Variants in STXBP5L observed in about 807,000 individuals in gnomAD.
STXBP5L encodes the protein syntaxin-binding protein 5-like.
A neutral mutation model predicts 144.5 loss-of-function variants in STXBP5L; 65 were observed. The observed-to-expected ratio is 0.45, with a 90% CI of 0.37 to 0.55. STXBP5L has a LOEUF of 0.55. Ranked by LOEUF, STXBP5L falls within the 20% of genes least tolerant of loss-of-function variation. The probability of loss-of-function intolerance (pLI) is 0.00; values close to 1 mark genes in which losing one functional copy is unlikely to be tolerated. For missense variants in STXBP5L, 1,298 were observed against 1,405.5 expected (o/e 0.92, Z 1.22); for synonymous variants, 505 against 469.6 (o/e 1.08, Z -0.97).
At chr3:121,206,061 C>A (rs1316218802) in intron 10 of STXBP5L, 60 bp downstream of exon 10, 4 of 970,326 alleles carry the variant, frequency 4.1e-6, no homozygotes, top group Non-Finnish European at 5.9e-6. Flanking sequence ...ATGCAGATGA[C>A]CTTTAATGTT....
chr3:121,051,766 A>G (rs930857682), intron 5 of STXBP5L, among the ~76,000 whole-genome samples: 34 of 152,242 alleles, frequency 2.2e-4, no homozygotes, highest in Non-Finnish European at 4.4e-4. Context: ...TAGAGACACA[A>G]AAAAACCCTT....
chr3:120,947,472 C>T (rs1412290940), intron 2 of STXBP5L, among the ~76,000 whole-genome samples: 2 of 151,610 alleles, frequency 1.3e-5, no homozygotes, highest in Non-Finnish European at 3.0e-5. Context: ...GAAATATAAC[C>T]CACCCACCAT....
intron 5 of STXBP5L, among the ~76,000 whole-genome samples, chr3:121,060,991 A>G (rs907119816): frequency 6.6e-6 from 1 of 151,690 alleles, no homozygotes; most frequent in Admixed American, 6.6e-5. Context: ...CTCTGATCTT[A>G]GTTATTTCTT....
intron 3 of STXBP5L, among the ~76,000 whole-genome samples, chr3:121,031,077 G>C (rs1016269905): frequency 6.6e-6 from 1 of 152,060 alleles, no homozygotes; most frequent in East Asian, 1.9e-4. Flanking sequence ...ATTACTCAGA[G>C]AAGGAAAAGG....
intron 5 of STXBP5L, among the ~76,000 whole-genome samples, chr3:121,081,210 C>CT (rs1687362254): frequency 6.6e-6 from 1 of 151,878 alleles, no homozygotes; most frequent in South Asian, 2.1e-4. Flanking sequence ...AGTTGTAGTT[C>CT]TTTTTCTTTA....
intron 12 of STXBP5L, among the ~76,000 whole-genome samples, chr3:121,235,456 T>G (rs2049445943): frequency 6.6e-6 from 1 of 152,152 alleles, no homozygotes. Flanking sequence ...TTTTAATATC[T>G]TTTTGCCTAC....
At chr3:121,308,394 C>G (rs765906342) in intron 19 of STXBP5L, among the ~76,000 whole-genome samples, 2 of 152,028 alleles carry the variant, frequency 1.3e-5, no homozygotes, top group African/African-American at 4.8e-5. Flanking sequence ...AGAAATACTA[C>G]GGGAAGTTTT....
chr3:120,937,870 T>A (rs374671732), intron 2 of STXBP5L, among the ~76,000 whole-genome samples: 2 of 152,176 alleles, frequency 1.3e-5, no homozygotes, highest in African/African-American at 4.8e-5. Flanking sequence ...CTTCGTAGAC[T>A]CAAATCTGAT....
At chr3:121,003,318 A>C (rs1943953935) in intron 3 of STXBP5L, among the ~76,000 whole-genome samples, 2 of 151,488 alleles carry the variant, frequency 1.3e-5, no homozygotes, top group South Asian at 4.2e-4. Flanking sequence ...GATGATGAGC[A>C]TTTTTTCATG....
intron 9 of STXBP5L, among the ~76,000 whole-genome samples, chr3:121,177,052 A>T (rs969647202): frequency 2.0e-5 from 3 of 151,462 alleles, no homozygotes; most frequent in Non-Finnish European, 4.4e-5. Flanking sequence ...ACAAAGGGGA[A>T]AAAAATCTGC....
At chr3:121,127,351 A>G (rs879406363) in intron 7 of STXBP5L, among the ~76,000 whole-genome samples, 1 of 152,046 alleles carries the variant, frequency 6.6e-6, no homozygotes, top group Non-Finnish European at 1.5e-5. Context: ...AAAACAAAGA[A>G]GTTTATTTTT....
chr3:120,981,711 G>A (rs1033447041), intron 3 of STXBP5L, among the ~76,000 whole-genome samples: 1 of 152,172 alleles, frequency 6.6e-6, no homozygotes, highest in Non-Finnish European at 1.5e-5. Flanking sequence ...TTGCTAGAAA[G>A]CTGATGTGAT....
intron 2 of STXBP5L, among the ~76,000 whole-genome samples, chr3:120,951,838 A>G (rs566599898): frequency 7.4e-4 from 113 of 152,278 alleles, no homozygotes; most frequent in Middle Eastern, 3.4e-3. Context: ...TCATGCTGCT[A>G]TAAAGACACA....
intron 2 of STXBP5L, among the ~76,000 whole-genome samples, chr3:120,939,364 A>G (rs1231893746): frequency 6.6e-6 from 1 of 152,136 alleles, no homozygotes; most frequent in Non-Finnish European, 1.5e-5. Flanking sequence ...CATGGACTAT[A>G]TTACTTCTTT....
chr3:121,391,393 T>G (rs2046580719), intron 22 of STXBP5L, among the ~76,000 whole-genome samples: 1 of 152,204 alleles, frequency 6.6e-6, no homozygotes, highest in Non-Finnish European at 1.5e-5. Context: ...TTCTGTCAAC[T>G]TGTCAAAGTC....
At chr3:121,046,832 GT>G (rs1163332433) in intron 5 of STXBP5L, among the ~76,000 whole-genome samples, 4 of 151,754 alleles carry the variant, frequency 2.6e-5, no homozygotes, top group African/African-American at 4.8e-5. Context: ...CTTTTGTATG[GT>G]TTTTTTGCCT....
chr3:121,129,384 G>T (rs73189345), intron 7 of STXBP5L, among the ~76,000 whole-genome samples: 5,370 of 151,504 alleles, frequency 0.035, 144 homozygotes, highest in Middle Eastern at 0.082. Flanking sequence ...TAATGGTAGT[G>T]GTCACCAATA....
chr3:121,174,310 A>C (rs1371119942), intron 9 of STXBP5L, among the ~76,000 whole-genome samples: 1 of 152,174 alleles, frequency 6.6e-6, no homozygotes, highest in Non-Finnish European at 1.5e-5. Context: ...ATGATAATAT[A>C]GACTAGTATC....
rs191380257 is a variant in STXBP5L, at chr3:121,418,102, T to C, written c.3227-235T>C. Among the ~76,000 whole-genome samples the C allele has an allele frequency of 3.5e-3, 537 of 152,356 alleles. 14 individuals carry two copies. The highest frequency in any genetic ancestry group is 0.03 in the Admixed American group (452 of 15,302). On this transcript the variant is annotated intron_variant, in intron 25 of 26. Transcript: ENST00000471454. Reference sequence around the variant, plus strand: ...AGAAATGCAATTATGCCATATTGTATGGAACACACACACATACAAAAGGCC... The same window carrying C: ...AGAAATGCAATTATGCCATATTGTACGGAACACACACACATACAAAAGGCC...
Sources: allele counts gnomAD v4.1 joint callset (sites outside exome capture counted in the v4.1 genomes callset), GRCh38; gene constraint gnomAD v4.1.1; transcripts MANE v1.5; gene names NCBI Gene and HGNC (gene_info 2026-07-23, HGNC 2026-07-21).